NOL4: variants seen among roughly 807,000 people sequenced by gnomAD.
The protein encoded by NOL4 is nucleolar protein 4.
NOL4 carries 17 observed loss-of-function variants against 75.9 expected under a neutral mutation model. The observed-to-expected ratio is 0.22, with a 90% CI of 0.15 to 0.34. The LOEUF (loss-of-function observed/expected upper bound fraction) is 0.34. Ranked by LOEUF, NOL4 falls within the 10% of genes least tolerant of loss-of-function variation. The probability of loss-of-function intolerance (pLI) is 1.00; values close to 1 mark genes in which losing one functional copy is unlikely to be tolerated. For missense variants in NOL4, 614 were observed against 793.5 expected (o/e 0.77, Z 2.72); for synonymous variants, 292 against 289.9 (o/e 1.01, Z -0.07).
intron 6 of NOL4, among the ~76,000 whole-genome samples, chr18:34,014,772 CTTAGA>C (rs2074583335): frequency 6.6e-6 from 1 of 151,888 alleles, no homozygotes; most frequent in Non-Finnish European, 1.5e-5. Flanking sequence ...ACATTTAGTC[CTTAGA>C]TTAGTTAATG....
chr18:34,147,736 G>A (rs2081466759), intron 1 of NOL4, among the ~76,000 whole-genome samples: 1 of 152,072 alleles, frequency 6.6e-6, no homozygotes, highest in African/African-American at 2.4e-5. Context: ...CTCATAAAAT[G>A]AGTTAGGGAA....
intron 2 of NOL4, among the ~76,000 whole-genome samples, chr18:34,115,291 G>C (rs76538906): frequency 6.6e-6 from 1 of 152,032 alleles, no homozygotes; most frequent in Non-Finnish European, 1.5e-5. Flanking sequence ...TGCACCAATC[G>C]AAAGAACTAC....
intron 6 of NOL4, among the ~76,000 whole-genome samples, chr18:33,968,857 T>C (rs1003347039): frequency 6.6e-6 from 1 of 152,202 alleles, no homozygotes; most frequent in Admixed American, 6.5e-5. Context: ...CTTGGCTGCA[T>C]GCTCTTTGAC....
chr18:34,144,762 G>C (rs2146030705), intron 1 of NOL4, among the ~76,000 whole-genome samples: 1 of 152,252 alleles, frequency 6.6e-6, no homozygotes, highest in East Asian at 1.9e-4. Flanking sequence ...TGTCAAATGA[G>C]AGACACTATG....
chr18:33,974,775 T>C (rs1003505310), intron 6 of NOL4, among the ~76,000 whole-genome samples: 2 of 151,990 alleles, frequency 1.3e-5, no homozygotes, highest in Non-Finnish European at 2.9e-5. Context: ...AAATTCACTA[T>C]CTGTGAAGTA....
intron 1 of NOL4, among the ~76,000 whole-genome samples, chr18:34,196,488 G>A (rs2035337413): frequency 6.6e-6 from 1 of 152,028 alleles, no homozygotes; most frequent in Admixed American, 6.6e-5. Flanking sequence ...AAAGTAAATG[G>A]CCTGTCCTCT....
chr18:34,071,031 T>C (rs1449666646), intron 5 of NOL4, among the ~76,000 whole-genome samples: 2 of 152,158 alleles, frequency 1.3e-5, no homozygotes, highest in African/African-American at 2.4e-5. Context: ...TGGTGTTCTA[T>C]AGCATAGCAG....
Position 34,024,181 on chromosome 18 carries a change from G to GAAAAA in NOL4, c.773-4585_773-4581dup, listed in dbSNP as rs200128545. On this transcript the variant is annotated intron_variant, in intron 5 of 10. Coordinates refer to ENST00000261592, the MANE Select transcript of NOL4 (RefSeq NM_003787.5). The stretch of plus-strand genomic sequence containing the variant: ...CAAGTGCCTTAGGCAAAATAAACAG[G>GAAAAA]AAAAAAAAAAAAAATATATATATAT... Among the ~76,000 whole-genome samples, 83 of 86,806 alleles carry GAAAAA rather than the reference G, an allele frequency of 9.6e-4. 1 individual carries two copies. Among genetic ancestry groups the GAAAAA allele is most frequent in the Non-Finnish European group, 1.5e-3 (60 of 40,264 alleles). 56.9% of individuals were successfully genotyped at this position (86,806 alleles called of 152,430 possible). A position where few individuals can be genotyped will look rare whatever the true frequency, so the allele number is the denominator to read the frequency against.
At chr18:34,068,258 A>G (rs2145215919) in intron 5 of NOL4, among the ~76,000 whole-genome samples, 1 of 152,274 alleles carries the variant, frequency 6.6e-6, no homozygotes, top group Non-Finnish European at 1.5e-5. Context: ...TAAAAAATGG[A>G]AAATAGCCCC....
intron 5 of NOL4, among the ~76,000 whole-genome samples, chr18:34,071,010 G>T (rs1186022371): frequency 6.6e-6 from 1 of 152,102 alleles, no homozygotes; most frequent in Non-Finnish European, 1.5e-5. Context: ...ACAGTTAGGA[G>T]AAATAAGTTC....
At chr18:34,023,707 C>T (rs1033512150) in intron 5 of NOL4, 1 of 271,742 alleles carries the variant, frequency 3.7e-6, no homozygotes, top group Non-Finnish European at 7.7e-6. Context: ...AATCTAGTGA[C>T]ATCAGGAGGG....
At chr18:33,987,493 C>G (rs575055035) in intron 6 of NOL4, among the ~76,000 whole-genome samples, 2 of 152,008 alleles carry the variant, frequency 1.3e-5, no homozygotes, top group East Asian at 3.9e-4. Context: ...TGAGGCAAAG[C>G]CTGTTTTTGT....
chr18:33,883,456 C>T (rs1280409700), intron 9 of NOL4, 32 bp from the exon 10 acceptor site: 11 of 1,562,130 alleles, frequency 7.0e-6, no homozygotes, highest in Middle Eastern at 1.8e-4. Context: ...CATTATTTAT[C>T]ACCTCACAGT....
At chr18:33,954,775 C>T (rs1396338978) in intron 8 of NOL4, among the ~76,000 whole-genome samples, 4 of 151,968 alleles carry the variant, frequency 2.6e-5, no homozygotes, top group Admixed American at 1.3e-4. Flanking sequence ...ATTGCTTGTT[C>T]AGGCTCTTGG....
chr18:34,046,636 A>ATATG (rs1393255065), intron 5 of NOL4, among the ~76,000 whole-genome samples: 1 of 139,320 alleles, frequency 7.2e-6, no homozygotes, highest in Non-Finnish European at 1.6e-5. Context: ...ATATATATAT[A>ATATG]TGTATATGTA....
intron 4 of NOL4, among the ~76,000 whole-genome samples, chr18:34,103,284 C>T (rs1285334102): frequency 6.6e-6 from 1 of 152,014 alleles, no homozygotes; most frequent in Non-Finnish European, 1.5e-5. Flanking sequence ...CAAGGATGTA[C>T]TAAGCACCTA....
At chr18:34,030,278 A>T (rs1280128714) in intron 5 of NOL4, among the ~76,000 whole-genome samples, 1 of 152,238 alleles carries the variant, frequency 6.6e-6, no homozygotes, top group Non-Finnish European at 1.5e-5. Flanking sequence ...ACAGAGCATA[A>T]CTAGGTTAAA....
intron 1 of NOL4, among the ~76,000 whole-genome samples, chr18:34,165,044 G>A (rs1476422864): frequency 1.4e-5 from 2 of 141,060 alleles, no homozygotes; most frequent in African/African-American, 2.6e-5. Context: ...TGAACAATGA[G>A]AACACATGGA....
intron 9 of NOL4, among the ~76,000 whole-genome samples, chr18:33,902,554 T>C (rs761542611): frequency 7.2e-5 from 11 of 152,164 alleles, no homozygotes; most frequent in African/African-American, 1.9e-4. Context: ...AATTTTTCCA[T>C]GTAACCCAAG....
Sources: gnomAD v4.1 joint callset for allele counts (sites outside exome capture counted in the v4.1 genomes callset) on GRCh38, gnomAD v4.1.1 for gene constraint, MANE v1.5 for transcripts, NCBI Gene and HGNC (gene_info 2026-07-23, HGNC 2026-07-21) for gene names.